The following CYYR1 variants were observed in gnomAD, a reference collection of about 807,000 sequenced individuals.
CYYR1 encodes the protein cysteine and tyrosine rich 1.
A neutral mutation model predicts 15.2 loss-of-function variants in CYYR1; 14 were observed. The observed-to-expected ratio is 0.92, with a 90% CI of 0.61 to 1.44. The LOEUF is 1.44. Ranked by LOEUF, CYYR1 falls within the 40% of genes most tolerant of loss-of-function variation. The pLI is 0.00. For synonymous variants in CYYR1, 80 were observed against 77.4 expected (o/e 1.03, Z -0.18); for missense variants, 228 against 209.5 (o/e 1.09, Z -0.54).
intron 2 of CYYR1, among the ~76,000 whole-genome samples, chr21:26,520,207 C>T (rs2065786503): frequency 6.7e-6 from 1 of 149,996 alleles, no homozygotes; most frequent in Non-Finnish European, 1.5e-5. Context: ...CCTATTGACC[C>T]ATCCTCTAAG....
In CYYR1 at chr21:26,515,739, A is replaced by G. The variant is rs140479231; in HGVS notation, c.177-35310T>C. Among the ~76,000 whole-genome samples, 258 of 152,352 alleles carry G rather than the reference A, an allele frequency of 1.7e-3. 2 individuals are homozygous for G. Among genetic ancestry groups the G allele is most frequent in the African/African-American group, 6.0e-3 (249 of 41,590 alleles). On this transcript the variant is annotated intron_variant, in intron 2 of 3. Coordinates refer to ENST00000652641, the MANE Select transcript of CYYR1 (RefSeq NM_001320768.2). Reference sequence around the variant, plus strand: ...AATAACTATACTATAAATCTCCAAAAGAGTTTGCACTTATCCTTTTTCTCC... The same window carrying G: ...AATAACTATACTATAAATCTCCAAAGGAGTTTGCACTTATCCTTTTTCTCC...
At chr21:26,475,907 G>C (rs888773369) in intron 3 of CYYR1, among the ~76,000 whole-genome samples, 1 of 152,116 alleles carries the variant, frequency 6.6e-6, no homozygotes, top group African/African-American at 2.4e-5. Flanking sequence ...TATTATTATA[G>C]AGAATCTTTC....
At chr21:26,472,773 C>T (rs1312717449) in intron 3 of CYYR1, among the ~76,000 whole-genome samples, 1 of 152,040 alleles carries the variant, frequency 6.6e-6, no homozygotes, top group Admixed American at 6.5e-5. Context: ...AAGTTTAAAA[C>T]CATAACAAAA....
chr21:26,565,409 T>C (rs1010116726), intron 2 of CYYR1, among the ~76,000 whole-genome samples: 4 of 152,190 alleles, frequency 2.6e-5, no homozygotes, highest in African/African-American at 9.7e-5. Flanking sequence ...TGATACTGAC[T>C]TGAAAAACAA....
At chr21:26,537,792 A>C (rs1188060750) in intron 2 of CYYR1, among the ~76,000 whole-genome samples, 1 of 152,106 alleles carries the variant, frequency 6.6e-6, no homozygotes, top group Non-Finnish European at 1.5e-5. Context: ...ATTTGATGGT[A>C]TCAGGAGGTG....
chr21:26,517,416 C>G (rs1033745450), intron 2 of CYYR1, among the ~76,000 whole-genome samples: 6 of 152,072 alleles, frequency 3.9e-5, no homozygotes, highest in African/African-American at 1.4e-4. Flanking sequence ...AGCAGAAAAA[C>G]TTATTTGTCT....
chr21:26,551,022 T>C (rs982996234), intron 2 of CYYR1: 1 of 152,652 alleles, frequency 6.6e-6, no homozygotes, highest in African/African-American at 2.4e-5. Context: ...ATACAGCTGC[T>C]GACTTGAAGT....
intron 3 of CYYR1, among the ~76,000 whole-genome samples, chr21:26,479,761 C>T (rs1192453797): frequency 6.6e-6 from 1 of 152,124 alleles, no homozygotes; most frequent in Admixed American, 6.6e-5. Flanking sequence ...ATCCACCCAC[C>T]TCGGCCTACC....
At chr21:26,572,436 C>T (rs1018449832) in intron 1 of CYYR1, among the ~76,000 whole-genome samples, 1 of 152,132 alleles carries the variant, frequency 6.6e-6, no homozygotes, top group Admixed American at 6.5e-5. Flanking sequence ...CTCAGTCTAC[C>T]ACACTTGTGA....
rs140585908 is a variant in CYYR1 at position 26,493,232 on chromosome 21, C to A, written c.177-12803G>T. On this transcript the variant is annotated intron_variant, in intron 2 of 3. Coordinates refer to ENST00000652641, the MANE Select transcript of CYYR1 (RefSeq NM_001320768.2). ...TGGATAAGGAACGTCTTTAATAATA[C>A]TGTAAAGAACTTGAACTTTTTATTG... 2.3e-3 allele frequency among the ~76,000 whole-genome samples: 353 copies of A among 152,166 alleles called. 1 individual carries two copies. The highest frequency in any genetic ancestry group is 7.8e-3 in the African/African-American group (325 of 41,528).
At position 26,566,387 on chromosome 21, in the gene CYYR1, T is replaced by C. The variant is rs776649614; in HGVS notation, c.74-19A>G. On this transcript the variant is annotated intron_variant, in intron 1 of 3. Transcript: ENST00000652641. ...CAATCATCTACAAAACAAAAACCAC[T>C]TGTGAGCAGTTATAGTTGTAAAATC... 2 of 1,572,248 alleles carry C rather than the reference T, an allele frequency of 1.3e-6. No homozygotes were observed. Among genetic ancestry groups the C allele is most frequent in the Admixed American group, 1.7e-5 (1 of 59,710 alleles).
At chr21:26,518,177 G>A (rs558289542) in intron 2 of CYYR1, among the ~76,000 whole-genome samples, 4 of 152,292 alleles carry the variant, frequency 2.6e-5, no homozygotes, top group South Asian at 4.1e-4. Flanking sequence ...GAAATCAGCC[G>A]CTATGTGAAT....
At chr21:26,504,177 CAG>C (rs1216311096) in intron 2 of CYYR1, among the ~76,000 whole-genome samples, 1 of 152,126 alleles carries the variant, frequency 6.6e-6, no homozygotes, top group African/African-American at 2.4e-5. Context: ...TCACCAGTAA[CAG>C]ACACCAAGTA....
intron 2 of CYYR1, among the ~76,000 whole-genome samples, chr21:26,489,907 AAAAAC>A (rs1278796180): frequency 6.6e-6 from 1 of 152,170 alleles, no homozygotes; most frequent in African/African-American, 2.4e-5. Context: ...CTCGTTTTTG[AAAAAC>A]AAAACACCTT....
chr21:26,558,185 A>T (rs1979935086), intron 2 of CYYR1, among the ~76,000 whole-genome samples: 1 of 152,162 alleles, frequency 6.6e-6, no homozygotes, highest in African/African-American at 2.4e-5. Flanking sequence ...CGGCATGTTA[A>T]AAAGGTGTCT....
chr21:26,524,015 A>T (rs1162658912), intron 2 of CYYR1, among the ~76,000 whole-genome samples: 2 of 152,180 alleles, frequency 1.3e-5, no homozygotes, highest in Non-Finnish European at 2.9e-5. Context: ...GCCACCAGAG[A>T]TTACATAATT....
chr21:26,569,679 G>C (rs1980888076), intron 1 of CYYR1, among the ~76,000 whole-genome samples: 1 of 152,186 alleles, frequency 6.6e-6, no homozygotes. Flanking sequence ...GTCAGAGTAG[G>C]ACAACCAATG....
chr21:26,476,613 T>TATCTATC (rs1262806671), intron 3 of CYYR1, among the ~76,000 whole-genome samples: 1 of 151,910 alleles, frequency 6.6e-6, no homozygotes, highest in Non-Finnish European at 1.5e-5. Context: ...TCTATCTATC[T>TATCTATC]ATCTATCTAT....
chr21:26,562,799 A>AACACACACACACACACACACACAC lies in CYYR1; in HGVS notation c.176+3443_176+3466dup, dbSNP rs57351372. Among the ~76,000 whole-genome samples the AACACACACACACACACACACACAC allele has an allele frequency of 1.7e-3, 224 of 132,598 alleles. 3 individuals are homozygous for AACACACACACACACACACACACAC. The highest frequency in any genetic ancestry group is 3.0e-3 in the Non-Finnish European group (186 of 62,156). 87.0% of individuals were successfully genotyped at this position (132,598 alleles called of 152,430 possible). On this transcript the variant is annotated intron_variant, in intron 2 of 3. Coordinates refer to ENST00000652641, the MANE Select transcript of CYYR1 (RefSeq NM_001320768.2). The stretch of plus-strand genomic sequence containing the variant: ...ACACACACACACAGAGACATACACA[A>AACACACACACACACACACACACAC]ACACACACACACACACACACACACA...
Sources: gnomAD v4.1 joint callset for allele counts (sites outside exome capture counted in the v4.1 genomes callset) on GRCh38, gnomAD v4.1.1 for gene constraint, MANE v1.5 for transcripts, NCBI Gene and HGNC (gene_info 2026-07-23, HGNC 2026-07-21) for gene names.